INTS7: variants seen among roughly 807,000 people sequenced by gnomAD.
INTS7 encodes integrator complex subunit 7, also known as chromosome 1 open reading frame 73.
Under a neutral mutation model 109.2 loss-of-function variants are expected in INTS7, and 46 were observed. The observed-to-expected ratio is 0.42, with a 90% CI of 0.33 to 0.54. The LOEUF (loss-of-function observed/expected upper bound fraction) is 0.54, where lower values mean the gene tolerates loss of function less well. INTS7 is among the 20% of genes least tolerant of loss of function. The pLI is 0.07. For synonymous variants in INTS7, 412 were observed against 402.9 expected (o/e 1.02, Z -0.27); for missense variants, 929 against 1,132.4 (o/e 0.82, Z 2.58).
chr1:211,943,509 T>C (rs1282416557), intron 19 of INTS7, among the ~76,000 whole-genome samples: 3 of 152,154 alleles, frequency 2.0e-5, no homozygotes, highest in Non-Finnish European at 4.4e-5. Flanking sequence ...ACAGTTATAC[T>C]CTAAATATAG....
chr1:212,025,213 A>G (rs867176029), intron 1 of INTS7, among the ~76,000 whole-genome samples: 1 of 152,230 alleles, frequency 6.6e-6, no homozygotes, highest in Non-Finnish European at 1.5e-5. Context: ...GCTGAGTGAA[A>G]GAAGCCAGAC....
chr1:211,956,843 T>C (rs994083872), intron 16 of INTS7, among the ~76,000 whole-genome samples: 4 of 152,234 alleles, frequency 2.6e-5, no homozygotes, highest in African/African-American at 7.2e-5. Context: ...TGAGAGACAC[T>C]TGGGTTTTTC....
In INTS7 at chr1:211,967,966, C is replaced by T; in HGVS notation, c.2026G>A (p.Glu676Lys). ...RISNQMKQSM[E>K]EFRSLASRYG... Reference sequence around the variant, plus strand: ...CGAGAAGCAAGGCTTCGAAATTCTTCCATGGACTGTTTCATCTATAAAAAA... The same window carrying T: ...CGAGAAGCAAGGCTTCGAAATTCTTTCATGGACTGTTTCATCTATAAAAAA... The change falls in exon 15 of 20, where the codon GAA becomes AAA. Residue 676 changes from glutamate (E) to lysine (K), a missense_variant. By Grantham distance (56) the Glu-to-Lys change is moderately conservative (BLOSUM62 1). This residue lies in a region of INTS7 where 787 missense variants were observed against 901.1 expected (regional missense o/e 0.87). Coordinates refer to ENST00000366994, the MANE Select transcript of INTS7 (RefSeq NM_015434.4). The T allele has an allele frequency of 6.3e-7, 1 of 1,585,260 alleles. No homozygotes were observed. The highest frequency in any genetic ancestry group is 8.6e-7 in the Non-Finnish European group (1 of 1,160,572).
intron 17 of INTS7, 33 bp downstream of exon 17, chr1:211,952,536 C>A (rs770404793): frequency 2.7e-5 from 44 of 1,604,414 alleles, no homozygotes; most frequent in Non-Finnish European, 3.5e-5. Context: ...CACATCCATA[C>A]AATAAAAGCT....
chr1:211,968,618 G>A lies in INTS7; in HGVS notation c.1905C>T (p.Ile635=). 1 of 1,613,308 alleles carries A rather than the reference G, an allele frequency of 6.2e-7. No individual in the cohort carries two copies. The highest frequency in any genetic ancestry group is 8.5e-7 in the Non-Finnish European group (1 of 1,179,804). Residue 635 remains isoleucine, a synonymous_variant, in exon 14 of 20, where the codon ATC becomes ATT. Coordinates refer to ENST00000366994, the MANE Select transcript of INTS7 (RefSeq NM_015434.4). ...IDLLQAFSQL[I]CTCNSLKTSP... is the part of the protein sequence containing the mutation. The stretch of plus-strand genomic sequence containing the variant: ...TTGTCTTCAGGCTATTACAAGTACA[G>A]ATAAGTTGAGAGAAGGCTTGTAAAA...
chr1:211,966,440 C>T lies in INTS7; in HGVS notation c.2173G>A (p.Glu725Lys). Residue 725 changes from glutamate (E) to lysine (K), a missense_variant, in exon 16 of 20, where the codon GAA (glutamate) becomes AAA (lysine). Glu to Lys is a moderately conservative substitution (Grantham distance 56, BLOSUM62 1). Transcript: ENST00000366994. ...HAIEALILDP[E>K]SASFQEYGST... ...TAATATTAGAATTACCTTGCTGATTCTGGATCCAAAATCAGGGCTTCTATT... is the reference window on the plus strand; with the variant it reads ...TAATATTAGAATTACCTTGCTGATTTTGGATCCAAAATCAGGGCTTCTATT... 1.3e-6 allele frequency: 2 copies of T among 1,582,904 alleles called. No homozygotes were observed. Among genetic ancestry groups the T allele is most frequent in the South Asian group, 1.1e-5 (1 of 90,268 alleles).
chr1:211,974,308 T>TATAA lies in INTS7; in HGVS notation c.1815+857_1815+858insTTAT, dbSNP rs1179528621. On this transcript the variant is annotated intron_variant, in intron 13 of 19. Transcript: ENST00000366994. Reference sequence around the variant, plus strand: ...ATATATATATATATATATATATATATAAAATACTTCAAAATATATGTGCCT... The same window carrying TATAA: ...ATATATATATATATATATATATATATATAAAAAATACTTCAAAATATATGTGCCT... 2.7e-4 allele frequency among the ~76,000 whole-genome samples: 39 copies of TATAA among 143,722 alleles called. No individual in the cohort carries two copies. The East Asian group carries it at 4.4e-3, about 16-fold the overall frequency. The allele number at this position is 143,722 out of a possible 152,430, so 94.3% of individuals were successfully genotyped here.
chr1:211,947,557 C>T (rs1188349845), intron 17 of INTS7, among the ~76,000 whole-genome samples: 2 of 152,090 alleles, frequency 1.3e-5, no homozygotes, highest in Non-Finnish European at 2.9e-5. Context: ...GCTCCTTTCA[C>T]GGGGGCACTA....
Position 211,981,164 on chromosome 1 carries a change from C to T in INTS7, c.1159G>A (p.Val387Ile). The change falls in exon 10 of 20, where the codon GTC (valine) becomes ATC (isoleucine). Residue 387 changes from valine (V) to isoleucine (I), a missense_variant. Around this residue, in one of 2 missense-constraint regions of INTS7, gnomAD observed 787 missense variants for 901.1 expected, o/e 0.87. Transcript: ENST00000366994. ...ACCAGTAGGGATTCCAGGCCAAAGA[C>T]AGCATCTTGTTCCAGTGCCAAAAGA... is the stretch of plus-strand genomic sequence containing the variant. ...KDLLALEQDA[V>I]FGLESLLVLC... is the part of the protein sequence containing the mutation. 1.2e-6 allele frequency: 2 copies of T among 1,613,204 alleles called. No individual in the cohort carries two copies. Among genetic ancestry groups the T allele is most frequent in the Non-Finnish European group, 1.7e-6 (2 of 1,179,314 alleles).
At chr1:212,008,803 C>T (rs1487005703) in intron 5 of INTS7, among the ~76,000 whole-genome samples, 1 of 152,146 alleles carries the variant, frequency 6.6e-6, no homozygotes, top group Non-Finnish European at 1.5e-5. Flanking sequence ...TATCACATCC[C>T]ATTTCCAAAT....
intron 1 of INTS7, among the ~76,000 whole-genome samples, chr1:212,028,870 T>C (rs1299362427): frequency 6.6e-6 from 1 of 152,178 alleles, no homozygotes; most frequent in Non-Finnish European, 1.5e-5. Flanking sequence ...GCTAAGCAAT[T>C]TGCGTAAGAA....
chr1:211,955,920 T>C (rs1239355038), intron 16 of INTS7, among the ~76,000 whole-genome samples: 1 of 152,232 alleles, frequency 6.6e-6, no homozygotes, highest in East Asian at 1.9e-4. Flanking sequence ...CTGAAGCTCA[T>C]TTGTATGATG....
chr1:212,001,229 G>A (rs751292413), intron 7 of INTS7, among the ~76,000 whole-genome samples: 6 of 152,122 alleles, frequency 3.9e-5, no homozygotes, highest in South Asian at 2.1e-4. Context: ...CATCACGCCC[G>A]GCTAATTTTG....
chr1:211,986,088 G>A (rs1047309432), intron 8 of INTS7, among the ~76,000 whole-genome samples: 3 of 152,158 alleles, frequency 2.0e-5, no homozygotes, highest in African/African-American at 7.2e-5. Flanking sequence ...CAAGCAAAAG[G>A]TTGACAAATG....
chr1:211,995,224 C>T (rs1665328790), intron 7 of INTS7, among the ~76,000 whole-genome samples: 2 of 151,868 alleles, frequency 1.3e-5, no homozygotes, highest in African/African-American at 4.8e-5. Flanking sequence ...CAAAGAAAAG[C>T]GATGGGACAA....
chr1:211,959,366 G>A lies in INTS7; in HGVS notation c.2184-6665C>T, dbSNP rs1663508237. 6.6e-6 allele frequency among the ~76,000 whole-genome samples: 1 copy of A among 152,212 alleles called. No individual in the cohort carries two copies. Among genetic ancestry groups the A allele is most frequent in the Non-Finnish European group, 1.5e-5 (1 of 68,030 alleles). On this transcript the variant is annotated intron_variant, in intron 16 of 19. Transcript: ENST00000366994. This position sits in a 1 kb window ranked among gnomAD's most constrained non-coding sequence, Gnocchi z 4.2. ...CTGGGGCCCCAACCTGGCTGTGCCT[G>A]CTTGCAGTGCAGCCTTGGGTGTCCT... is the stretch of plus-strand genomic sequence containing the variant.
chr1:212,018,550 A>T (rs1050718245), intron 3 of INTS7, among the ~76,000 whole-genome samples: 1 of 152,020 alleles, frequency 6.6e-6, no homozygotes, highest in Non-Finnish European at 1.5e-5. Flanking sequence ...ACATTACCAA[A>T]AAAAGCCAAA....
At chr1:212,033,542 T>C (rs746267587) in intron 1 of INTS7, among the ~76,000 whole-genome samples, 2 of 152,080 alleles carry the variant, frequency 1.3e-5, no homozygotes, top group African/African-American at 4.8e-5. Context: ...AAAGGAAAAA[T>C]TGTGGTTTTT....
chr1:211,999,449 T>G (rs959222841), intron 7 of INTS7, among the ~76,000 whole-genome samples: 1 of 151,922 alleles, frequency 6.6e-6, no homozygotes, highest in African/African-American at 2.4e-5. Context: ...TTGTCAGGGG[T>G]TGGGGAAAGG....
Sources: allele counts gnomAD v4.1 joint callset (sites outside exome capture counted in the v4.1 genomes callset), GRCh38; gene constraint gnomAD v4.1.1; regional missense constraint gnomAD v4.1.1; non-coding constraint Gnocchi (gnomAD v3.1); transcripts MANE v1.5; gene names NCBI Gene and HGNC (gene_info 2026-07-23, HGNC 2026-07-21).